The following MRPS9 variants were observed in gnomAD, a reference collection of about 807,000 sequenced individuals.
MRPS9 encodes the protein mitochondrial ribosomal protein S9, also known as small ribosomal subunit protein uS9m.
Under a neutral mutation model 59.9 loss-of-function variants are expected in MRPS9, and 45 were observed. The observed-to-expected ratio is 0.75, with a 90% CI of 0.59 to 0.96. The LOEUF (loss-of-function observed/expected upper bound fraction) is 0.96, where lower values mean the gene tolerates loss of function less well. Among genes scored for constraint, MRPS9 ranks in the 40% least tolerant of loss-of-function variants. MRPS9 has a pLI of 0.00. For synonymous variants in MRPS9, 171 were observed against 166.8 expected (o/e 1.03, Z -0.19); for missense variants, 473 against 481.1 (o/e 0.98, Z 0.16).
At chr2:105,079,926 A>C (rs113460495) in intron 4 of MRPS9, 57 bp from the exon 5 acceptor site, 1 of 1,227,584 alleles carries the variant, frequency 8.1e-7, no homozygotes, top group Non-Finnish European at 1.2e-6. Context: ...AAATGCAGCT[A>C]TTTGGTCTGT....
In MRPS9 at chr2:105,089,045, TG is replaced by T. The variant is rs767916374; in HGVS notation, c.552del (p.Leu185SerfsTer6). On this transcript the variant is annotated frameshift_variant, in exon 6 of 11. Transcript: ENST00000258455. LOFTEE classifies it high-confidence loss of function. ...CAAAGTCACTTGCAAGCCAAAAGTCTGCTCCCAGAAAAAACTGTAACCAGGT... is the reference window on the plus strand; with the variant it reads ...CAAAGTCACTTGCAAGCCAAAAGTCTCTCCCAGAAAAAACTGTAACCAGGT... Reference protein sequence around the residue: ...KHQSHLQAKSLLPEKTVTRDV... With the variant: ...KHQSHLQAKSXLPEKTVTRDV... 5.0e-6 allele frequency: 8 copies of T among 1,611,486 alleles called. No homozygotes were observed. The highest frequency in any genetic ancestry group is 6.8e-6 in the Non-Finnish European group (8 of 1,178,572).
chr2:105,079,559 T>G (rs903486063), intron 4 of MRPS9, among the ~76,000 whole-genome samples: 3 of 152,320 alleles, frequency 2.0e-5, no homozygotes. Context: ...TAGTTTTCAT[T>G]TGTTTACCTG....
intron 4 of MRPS9, among the ~76,000 whole-genome samples, chr2:105,073,106 TTC>T (rs1680144323): frequency 6.6e-6 from 1 of 152,084 alleles, no homozygotes; most frequent in African/African-American, 2.4e-5. Flanking sequence ...TTTTTTTTTC[TTC>T]TTCTTCTTTA....
intron 2 of MRPS9, among the ~76,000 whole-genome samples, chr2:105,050,432 G>GC (rs1212514354): frequency 1.3e-5 from 2 of 152,130 alleles, no homozygotes; most frequent in African/African-American, 4.8e-5. Flanking sequence ...TAGCCACCCG[G>GC]CCCGGTCCAG....
At chr2:105,077,454 T>A (rs1385354465) in intron 4 of MRPS9, among the ~76,000 whole-genome samples, 1 of 151,726 alleles carries the variant, frequency 6.6e-6, no homozygotes, top group Non-Finnish European at 1.5e-5. Flanking sequence ...GTTGTGCTAG[T>A]AGAGGTGTAA....
chr2:105,092,837 T>A (rs1408712372), intron 8 of MRPS9, among the ~76,000 whole-genome samples: 1 of 152,230 alleles, frequency 6.6e-6, no homozygotes, highest in Non-Finnish European at 1.5e-5. Context: ...AATCTTTTAA[T>A]TTTCACATTT....
chr2:105,085,086 C>T (rs1246892015), intron 5 of MRPS9, among the ~76,000 whole-genome samples: 1 of 152,022 alleles, frequency 6.6e-6, no homozygotes, highest in African/African-American at 2.4e-5. Context: ...TCATATGTTC[C>T]ATCTTGAGAT....
chr2:105,079,965 C>G lies in MRPS9; in HGVS notation c.410-18C>G, dbSNP rs751530816. ...TGTGTATATTTTTATTTGCTTTCATCTGGCTTTTTTAAATCAGCAATCCAG... is the reference window on the plus strand; with the variant it reads ...TGTGTATATTTTTATTTGCTTTCATGTGGCTTTTTTAAATCAGCAATCCAG... On this transcript the variant is annotated intron_variant, in intron 4 of 10. Coordinates refer to ENST00000258455, the MANE Select transcript of MRPS9 (RefSeq NM_182640.3). The G allele has an allele frequency of 1.9e-6, 3 of 1,600,816 alleles. 1 individual carries two copies. In the Admixed American group the frequency reaches 5.1e-5, roughly 27 times the overall value.
At chr2:105,081,273 G>C (rs369069872) in intron 5 of MRPS9, among the ~76,000 whole-genome samples, 1 of 152,228 alleles carries the variant, frequency 6.6e-6, no homozygotes, top group Non-Finnish European at 1.5e-5. Context: ...TTTAGCTGTC[G>C]GAGGGGATGA....
chr2:105,055,842 T>C (rs1317971689), intron 2 of MRPS9, among the ~76,000 whole-genome samples: 1 of 152,242 alleles, frequency 6.6e-6, no homozygotes, highest in Non-Finnish European at 1.5e-5. Flanking sequence ...CAATGGGTTA[T>C]TCCTGAAAAC....
At chr2:105,041,185 C>T (rs2104435888) in intron 1 of MRPS9, among the ~76,000 whole-genome samples, 1 of 152,256 alleles carries the variant, frequency 6.6e-6, no homozygotes, top group Admixed American at 6.5e-5. Context: ...CCATGCTGTA[C>T]TACAAAGGTT....
intron 1 of MRPS9, among the ~76,000 whole-genome samples, chr2:105,047,124 C>T (rs141115166): frequency 8.6e-4 from 130 of 152,002 alleles, no homozygotes; most frequent in African/African-American, 2.7e-3. Context: ...TATAAAAGAG[C>T]GGACCATGCA....
intron 4 of MRPS9, among the ~76,000 whole-genome samples, chr2:105,078,511 A>G (rs1388083365): frequency 2.0e-5 from 3 of 152,208 alleles, no homozygotes; most frequent in Non-Finnish European, 4.4e-5. Context: ...AAAGAAAAAT[A>G]TTAGAAAATA....
rs1324723878 is a variant in MRPS9, at chr2:105,089,081, T to C, written c.575+12T>C. The C allele has an allele frequency of 6.3e-7, 1 of 1,592,882 alleles. No individual in the cohort carries two copies. ...AAAACTGTAACCAGGTAAGCTCTTT[T>C]CTTGCATTAAAATATAAGTAAAATT... On this transcript the variant is annotated intron_variant, in intron 6 of 10. Coordinates refer to ENST00000258455, the MANE Select transcript of MRPS9 (RefSeq NM_182640.3).
intron 10 of MRPS9, chr2:105,099,117 A>T (rs1680734207): frequency 6.6e-6 from 1 of 152,246 alleles, no homozygotes; most frequent in African/African-American, 2.4e-5. Context: ...AAAACAGGGA[A>T]TATTATTATG....
intron 9 of MRPS9, among the ~76,000 whole-genome samples, chr2:105,096,273 A>C (rs1221495850): frequency 6.6e-6 from 1 of 152,118 alleles, no homozygotes; most frequent in African/African-American, 2.4e-5. Context: ...TATAAACTTG[A>C]TTTTGGGTCT....
chr2:105,058,412 G>A (rs1006258764), intron 2 of MRPS9, among the ~76,000 whole-genome samples: 3 of 152,154 alleles, frequency 2.0e-5, no homozygotes, highest in African/African-American at 7.2e-5. Context: ...TCTGGGTTGA[G>A]TCTGCAATTC....
At chr2:105,065,075 A>G (rs1431912806) in intron 2 of MRPS9, among the ~76,000 whole-genome samples, 2 of 152,242 alleles carry the variant, frequency 1.3e-5, no homozygotes, top group East Asian at 1.9e-4. Flanking sequence ...GTCAGGAGCC[A>G]TATCTTAATT....
chr2:105,070,766 G>T (rs1428632657), intron 2 of MRPS9, among the ~76,000 whole-genome samples: 2 of 152,180 alleles, frequency 1.3e-5, no homozygotes, highest in African/African-American at 4.8e-5. Flanking sequence ...TATGGAAAAA[G>T]GGTGCCTATG....
Sources: allele counts gnomAD v4.1 joint callset (sites outside exome capture counted in the v4.1 genomes callset), GRCh38; gene constraint gnomAD v4.1.1; transcripts MANE v1.5; gene names NCBI Gene and HGNC (gene_info 2026-07-23, HGNC 2026-07-21).